CHN2: variants seen among roughly 807,000 people sequenced by gnomAD.
CHN2 encodes the protein beta-chimaerin.
In CHN2, 35 loss-of-function variants were observed where a neutral mutation model predicts 56.3. The ratio of observed to expected loss-of-function variants is 0.62; its 90% CI spans 0.47 to 0.82. The LOEUF (loss-of-function observed/expected upper bound fraction) is 0.82, where lower values mean the gene tolerates loss of function less well. Among genes scored for constraint, CHN2 ranks in the 40% least tolerant of loss-of-function variants. The pLI, the probability that CHN2 is intolerant of heterozygous loss-of-function variation, is 0.00. For synonymous variants in CHN2, 210 were observed against 212.8 expected (o/e 0.99, Z 0.12); for missense variants, 491 against 580.5 (o/e 0.85, Z 1.58).
chr7:29,169,277 A>T (rs567609989), intron 2 of CHN2, among the ~76,000 whole-genome samples: 1 of 152,342 alleles, frequency 6.6e-6, no homozygotes, highest in Non-Finnish European at 1.5e-5. Context: ...TTCTGGGAAG[A>T]ACATTCTATT....
At chr7:29,181,189 T>C (rs533307234) in intron 2 of CHN2, 16 of 152,364 alleles carry the variant, frequency 1.1e-4, no homozygotes, top group Non-Finnish European at 2.2e-4. Flanking sequence ...AGACAATTTT[T>C]CCAGAAGGCA....
rs945501420 is a variant in CHN2 at position 29,293,374 on chromosome 7, C to A, written c.50-61251C>A. ...GAGGGCAGCTAATGCCCCCCCCCCC[C>A]CCCATATTAACTCCAAGGTCCACTC... On this transcript the variant is annotated intron_variant, in intron 1 of 12. Transcript: ENST00000222792. Among the ~76,000 whole-genome samples the A allele has an allele frequency of 3.2e-3, 404 of 126,646 alleles. 11 individuals are homozygous for A. Among genetic ancestry groups the A allele is most frequent in the African/African-American group, 0.011 (363 of 34,210 alleles). The allele number at this position is 126,646 out of a possible 152,430, so 83.1% of individuals were successfully genotyped here.
chr7:29,488,824 C>T (rs1788336603), intron 7 of CHN2, among the ~76,000 whole-genome samples: 3 of 152,120 alleles, frequency 2.0e-5, no homozygotes, highest in African/African-American at 7.2e-5. Flanking sequence ...ACGAGGCAGA[C>T]CCCCACAACA....
At chr7:29,187,347 G>C (rs1467430459) in intron 2 of CHN2, among the ~76,000 whole-genome samples, 1 of 148,066 alleles carries the variant, frequency 6.8e-6, no homozygotes, top group Non-Finnish European at 1.5e-5. Context: ...TTGTGTGTCT[G>C]TGTGTGTGTG....
chr7:29,309,076 A>G (rs937727050), intron 1 of CHN2, among the ~76,000 whole-genome samples: 3 of 152,264 alleles, frequency 2.0e-5, no homozygotes, highest in Non-Finnish European at 4.4e-5. Context: ...AATGGAAAGC[A>G]TAGACCTTGT....
chr7:29,218,144 A>G (rs148156392), intron 1 of CHN2, among the ~76,000 whole-genome samples: 4 of 152,234 alleles, frequency 2.6e-5, no homozygotes, highest in African/African-American at 9.6e-5. Flanking sequence ...GCCCTGGGTG[A>G]TGTTAGTCTC....
chr7:29,211,798 TG>T (rs1354996115), intron 1 of CHN2, among the ~76,000 whole-genome samples: 6 of 152,256 alleles, frequency 3.9e-5, no homozygotes, highest in African/African-American at 1.2e-4. Context: ...TTTTTTAACT[TG>T]CTACACTGCG....
At chr7:29,497,464 G>A (rs1033944651) in intron 8 of CHN2, among the ~76,000 whole-genome samples, 10 of 151,406 alleles carry the variant, frequency 6.6e-5, no homozygotes, top group African/African-American at 2.2e-4. Context: ...GGATAAAAGC[G>A]TTTTTGTGGG....
intron 1 of CHN2, among the ~76,000 whole-genome samples, chr7:29,302,661 G>A (rs1793785184): frequency 6.6e-6 from 1 of 151,946 alleles, no homozygotes; most frequent in Non-Finnish European, 1.5e-5. Flanking sequence ...ACAGTTTGAT[G>A]TCCATTCACA....
intron 6 of CHN2, among the ~76,000 whole-genome samples, chr7:29,436,332 T>C (rs1783221107): frequency 6.6e-6 from 1 of 152,210 alleles, no homozygotes; most frequent in Admixed American, 6.5e-5. Context: ...TTAAAGTAGG[T>C]AAATTGGCTT....
At chr7:29,249,275 G>C (rs1290246212) in intron 1 of CHN2, among the ~76,000 whole-genome samples, 1 of 152,182 alleles carries the variant, frequency 6.6e-6, no homozygotes, top group Non-Finnish European at 1.5e-5. Context: ...GAACCGGCGG[G>C]GCTGCTGGTG....
At chr7:29,173,803 T>C (rs964459320) in intron 2 of CHN2, among the ~76,000 whole-genome samples, 1 of 148,534 alleles carries the variant, frequency 6.7e-6, no homozygotes, top group Admixed American at 6.7e-5. Flanking sequence ...TAGTCGAGTG[T>C]GGTGGTTCAT....
chr7:29,483,072 C>A (rs1490841739), intron 7 of CHN2, among the ~76,000 whole-genome samples: 1 of 151,974 alleles, frequency 6.6e-6, no homozygotes, highest in Non-Finnish European at 1.5e-5. Context: ...CCGCCCGTCT[C>A]GGCCTCCCAA....
In CHN2 at chr7:29,478,468, G is replaced by A. The variant is rs549938982; in HGVS notation, c.577-1811G>A. Among the ~76,000 whole-genome samples the A allele has an allele frequency of 6.7e-4, 102 of 152,220 alleles. 1 individual carries two copies. The highest frequency in any genetic ancestry group is 2.4e-3 in the African/African-American group (98 of 41,542). On this transcript the variant is annotated intron_variant, in intron 6 of 12. Coordinates refer to ENST00000222792, the MANE Select transcript of CHN2 (RefSeq NM_004067.4). ...GAGTTATGTGGGGAAAGAAAGGTAG[G>A]GAGAGGCCAGACTCAACCAGTATCT...
intron 1 of CHN2, among the ~76,000 whole-genome samples, chr7:29,280,858 A>G (rs1791648898): frequency 6.6e-6 from 1 of 152,134 alleles, no homozygotes; most frequent in Non-Finnish European, 1.5e-5. Context: ...GCACTTTGGG[A>G]GGCTGAGGCA....
intron 1 of CHN2, among the ~76,000 whole-genome samples, chr7:29,329,376 CAAAAAAAAAAA>C (rs10667833): frequency 7.2e-4 from 27 of 37,252 alleles, no homozygotes; most frequent in East Asian, 4.4e-3. Flanking sequence ...TCAGATAAGG[CAAAAAAAAAAA>C]AAAAAAAAAA....
At chr7:29,445,670 C>T (rs971516104) in intron 6 of CHN2, among the ~76,000 whole-genome samples, 1 of 151,864 alleles carries the variant, frequency 6.6e-6, no homozygotes, top group Non-Finnish European at 1.5e-5. Context: ...ATAATCAACT[C>T]AGGTTTGCTT....
At chr7:29,147,492 G>A (rs1792917569) in intron 2 of CHN2, among the ~76,000 whole-genome samples, 1 of 152,184 alleles carries the variant, frequency 6.6e-6, no homozygotes. Context: ...CTAGTTTTAC[G>A]AGCTGGAACA....
Position 29,164,713 on chromosome 7 carries a change from G to A in CHN2, c.274+17753G>A, listed in dbSNP as rs765822364. Among the ~76,000 whole-genome samples the A allele has an allele frequency of 3.8e-4, 56 of 146,072 alleles. 1 individual carries two copies. The highest frequency in any genetic ancestry group is 7.6e-5 in the Non-Finnish European group (5 of 66,046). ...GGAGAATCACTTGAACCTGGGAGGC[G>A]GAGGTTGCAGTGAGCCGAGATCTCA... is the stretch of plus-strand genomic sequence containing the variant. On this transcript the variant is annotated intron_variant, in intron 2 of 6. Transcript: ENST00000439384.
Sources: allele counts gnomAD v4.1 joint callset (sites outside exome capture counted in the v4.1 genomes callset), GRCh38; gene constraint gnomAD v4.1.1; transcripts MANE v1.5; gene names NCBI Gene and HGNC (gene_info 2026-07-23, HGNC 2026-07-21).